Variants in KCTD5 observed in about 807,000 individuals in gnomAD.
KCTD5 encodes the protein potassium channel tetramerization domain containing 5.
KCTD5 carries 12 observed loss-of-function variants against 27.9 expected under a neutral mutation model. That is an observed-to-expected ratio of 0.43 (90% CI 0.28 to 0.70). The LOEUF (loss-of-function observed/expected upper bound fraction) is 0.70, where lower values mean the gene tolerates loss of function less well. Among genes scored for constraint, KCTD5 ranks in the 30% least tolerant of loss-of-function variants. The probability of loss-of-function intolerance (pLI) is 0.19; values close to 1 mark genes in which losing one functional copy is unlikely to be tolerated. For missense variants in KCTD5, 226 were observed against 274.8 expected (o/e 0.82, Z 1.26); for synonymous variants, 147 against 121.4 (o/e 1.21, Z -1.39).
rs549227342 is a variant in KCTD5 at position 2,705,959 on chromosome 16, G to A, written c.676-1339G>A. On this transcript the variant is annotated intron_variant, in intron 5 of 5. Coordinates refer to ENST00000301738, the MANE Select transcript of KCTD5 (RefSeq NM_018992.4). ...ACACTGCTCCTGGCCTGTCCGCTGC[G>A]CTACTTAGTTTTACACAGGGCTGGT... Among the ~76,000 whole-genome samples, 19 of 152,280 alleles carry A rather than the reference G, an allele frequency of 1.2e-4. No homozygotes were observed. The East Asian group carries it at 1.5e-3, about 12-fold the overall frequency.
chr16:2,706,784 T>G (rs906670090), intron 5 of KCTD5, among the ~76,000 whole-genome samples: 3 of 150,886 alleles, frequency 2.0e-5, no homozygotes, highest in African/African-American at 7.3e-5. Context: ...GGCTGGTGGT[T>G]GTTCCATGGG....
chr16:2,704,116 T>C (rs2067624258), intron 5 of KCTD5, among the ~76,000 whole-genome samples: 1 of 152,178 alleles, frequency 6.6e-6, no homozygotes, highest in Non-Finnish European at 1.5e-5. Flanking sequence ...CCCTTTGTGG[T>C]TGAGAATGTG....
rs751903355 is a variant in KCTD5, at chr16:2,697,916, G to A, written c.372G>A (p.Glu124=). The A allele has an allele frequency of 1.0e-5, 16 of 1,606,270 alleles. No homozygotes were observed. The highest frequency in any genetic ancestry group is 1.7e-5 in the Admixed American group (1 of 59,958). ...NKDLAEEGVL[E]EAEFYNITSL... is the part of the protein sequence containing the mutation. ...TTTTCCTTATTCCAGGAGTGTTGGA[G>A]GAAGCAGAATTTTACAATATCACCT... The change falls in exon 3 of 6, where the codon GAG becomes GAA. Residue 124 remains glutamate, a synonymous_variant. Transcript: ENST00000301738.
At chr16:2,698,846 C>T (rs946755459) in intron 3 of KCTD5, among the ~76,000 whole-genome samples, 6 of 152,332 alleles carry the variant, frequency 3.9e-5, no homozygotes, top group Admixed American at 6.5e-5. Context: ...CTGCGTCCCG[C>T]GCCCCGGGTC....
chr16:2,696,867 A>C (rs369992391), intron 2 of KCTD5, among the ~76,000 whole-genome samples: 1 of 152,288 alleles, frequency 6.6e-6, no homozygotes, highest in East Asian at 1.9e-4. Context: ...TTTGGCAGGG[A>C]ATGTCTTTCA....
chr16:2,696,722 G>A (rs1177903693), intron 2 of KCTD5, among the ~76,000 whole-genome samples: 4 of 152,234 alleles, frequency 2.6e-5, no homozygotes, highest in East Asian at 1.9e-4. Flanking sequence ...GTCTGACTCC[G>A]TTTCTGTTCT....
intron 1 of KCTD5, among the ~76,000 whole-genome samples, chr16:2,687,663 C>T (rs1417196718): frequency 1.3e-5 from 2 of 152,218 alleles, no homozygotes; most frequent in African/African-American, 2.4e-5. Context: ...CCTGGTCTCG[C>T]CCCGGCCCTG....
intron 1 of KCTD5, among the ~76,000 whole-genome samples, chr16:2,692,461 T>A (rs1325229855): frequency 6.6e-6 from 1 of 152,156 alleles, no homozygotes; most frequent in East Asian, 1.9e-4. Flanking sequence ...CTCCATTGAC[T>A]TCCCAGCTCT....
intron 4 of KCTD5, among the ~76,000 whole-genome samples, chr16:2,701,840 G>C (rs1429139519): frequency 1.3e-5 from 2 of 152,248 alleles, no homozygotes; most frequent in African/African-American, 4.8e-5. Flanking sequence ...GCATTGGCCT[G>C]GCCTGCCTGG....
intron 3 of KCTD5, among the ~76,000 whole-genome samples, chr16:2,698,472 G>T (rs2067596440): frequency 6.6e-6 from 1 of 152,238 alleles, no homozygotes; most frequent in Non-Finnish European, 1.5e-5. Flanking sequence ...ACCTCTCACA[G>T]CTGGCACGGC....
chr16:2,692,716 G>A (rs757422164), intron 1 of KCTD5, among the ~76,000 whole-genome samples: 5 of 152,204 alleles, frequency 3.3e-5, no homozygotes, highest in Non-Finnish European at 5.9e-5. Context: ...GGGCCTTACC[G>A]GGGACCTACC....
At chr16:2,698,464 C>G (rs1355020989) in intron 3 of KCTD5, among the ~76,000 whole-genome samples, 1 of 152,226 alleles carries the variant, frequency 6.6e-6, no homozygotes, top group Non-Finnish European at 1.5e-5. Flanking sequence ...ACAGACACAC[C>G]TCTCACAGCT....
intron 1 of KCTD5, among the ~76,000 whole-genome samples, chr16:2,689,290 G>A (rs2142052696): frequency 1.0e-4 from 1 of 9,788 alleles, no homozygotes; most frequent in Middle Eastern, 0.01. Flanking sequence ...CAAAACAGAA[G>A]AGAGAGTAGA....
At chr16:2,688,244 T>C (rs2067550406) in intron 1 of KCTD5, among the ~76,000 whole-genome samples, 1 of 63,370 alleles carries the variant, frequency 1.6e-5, no homozygotes. Flanking sequence ...TATATATATA[T>C]ATTTATTTAT....
chr16:2,697,918 A>C lies in KCTD5; in HGVS notation c.374A>C (p.Glu125Ala). Residue 125 changes from glutamate (E) to alanine (A), a missense_variant, in exon 3 of 6, where the codon GAA becomes GCA. Transcript: ENST00000301738. ...TTCCTTATTCCAGGAGTGTTGGAGG[A>C]AGCAGAATTTTACAATATCACCTCA... is the stretch of plus-strand genomic sequence containing the variant. ...KDLAEEGVLE[E>A]AEFYNITSLI... 1.2e-6 allele frequency: 2 copies of C among 1,607,342 alleles called. No homozygotes were observed. The highest frequency in any genetic ancestry group is 1.7e-6 in the Non-Finnish European group (2 of 1,174,072).
chr16:2,702,519 G>A, intron 5 of KCTD5, 41 bp downstream of exon 5: 2 of 1,604,220 alleles, frequency 1.2e-6, no homozygotes, highest in Non-Finnish European at 8.5e-7. Flanking sequence ...AGTCTTGGGT[G>A]GGGAAGGCTC....
rs2067523760 is a variant in KCTD5 at position 2,682,728 on chromosome 16, G to A, written c.180G>A (p.Gln60=). 1 of 1,610,914 alleles carries A rather than the reference G, an allele frequency of 6.2e-7. No individual in the cohort carries two copies. The highest frequency in any genetic ancestry group is 8.5e-7 in the Non-Finnish European group (1 of 1,178,984). ...VGGTYFLTTR[Q]TLCRDPKSFL... ...GCACCTACTTCCTCACCACTCGGCAGACCCTGTGCCGGGACCCGAAATCCT... is the reference window on the plus strand; with the variant it reads ...GCACCTACTTCCTCACCACTCGGCAAACCCTGTGCCGGGACCCGAAATCCT... Residue 60 remains glutamine (Q), a synonymous_variant, in exon 1 of 6, where the codon CAG becomes CAA. Coordinates refer to ENST00000301738, the MANE Select transcript of KCTD5 (RefSeq NM_018992.4).
In KCTD5 at chr16:2,696,719, T is replaced by C. The variant is rs530659959; in HGVS notation, c.361+676T>C. ...CGGTCTGCACTGGGCAGCGTCTGAC[T>C]CCGTTTCTGTTCTGGGCCTCTGGGC... On this transcript the variant is annotated intron_variant, in intron 2 of 5. Coordinates refer to ENST00000301738, the MANE Select transcript of KCTD5 (RefSeq NM_018992.4). 2.0e-5 allele frequency among the ~76,000 whole-genome samples: 3 copies of C among 152,332 alleles called. No individual in the cohort carries two copies. In the South Asian group the frequency reaches 6.2e-4, roughly 32 times the overall value.
chr16:2,687,395 C>G (rs937749186), intron 1 of KCTD5, among the ~76,000 whole-genome samples: 1 of 152,232 alleles, frequency 6.6e-6, no homozygotes, highest in Admixed American at 6.5e-5. Context: ...GAAATGCTGT[C>G]GCTGCAGGGC....
Sources: gnomAD v4.1 joint callset for allele counts (sites outside exome capture counted in the v4.1 genomes callset) on GRCh38, gnomAD v4.1.1 for gene constraint, MANE v1.5 for transcripts, NCBI Gene and HGNC (gene_info 2026-07-23, HGNC 2026-07-21) for gene names.